Variants in LUC7L3 observed in about 807,000 individuals in gnomAD.
The protein encoded by LUC7L3 is luc7-like protein 3.
Under a neutral mutation model 66.8 loss-of-function variants are expected in LUC7L3, and 6 were observed. The observed-to-expected ratio is 0.09, with a 90% CI of 0.05 to 0.18. LUC7L3 has a LOEUF of 0.18. Ranked by LOEUF, LUC7L3 falls within the 10% of genes least tolerant of loss-of-function variation. The pLI, the probability that LUC7L3 is intolerant of heterozygous loss-of-function variation, is 1.00. For missense variants in LUC7L3, 341 were observed against 531.1 expected, an observed-to-expected ratio of 0.64 and a Z score of 3.52; for synonymous variants, 160 against 174.7, an observed-to-expected ratio of 0.92 and a Z score of 0.66.
At chr17:50,727,011 C>T (rs909249852) in intron 1 of LUC7L3, among the ~76,000 whole-genome samples, 1 of 152,056 alleles carries the variant, frequency 6.6e-6, no homozygotes, top group Non-Finnish European at 1.5e-5. Flanking sequence ...ATTTCTTGAA[C>T]CCGGGAGGCG....
intron 1 of LUC7L3, among the ~76,000 whole-genome samples, chr17:50,728,043 G>A (rs960078746): frequency 1.1e-4 from 16 of 151,706 alleles, no homozygotes; most frequent in Admixed American, 5.9e-4. Context: ...GCGTGAACCC[G>A]GGAGGCGGAG....
chr17:50,729,551 C>T (rs897997256), intron 1 of LUC7L3, among the ~76,000 whole-genome samples: 2 of 152,028 alleles, frequency 1.3e-5, no homozygotes, highest in African/African-American at 4.8e-5. Flanking sequence ...GGACAAGATC[C>T]CCTCCCATCA....
At chr17:50,733,152 A>C (rs1415317869) in intron 1 of LUC7L3, among the ~76,000 whole-genome samples, 1 of 152,226 alleles carries the variant, frequency 6.6e-6, no homozygotes, top group Non-Finnish European at 1.5e-5. Flanking sequence ...TAGATAGAAT[A>C]ATCTCCAAAA....
In LUC7L3 at chr17:50,751,682, T is replaced by C. The variant is rs1389938016; in HGVS notation, c.*1021T>C. 14 of 1,071,086 alleles carry C rather than the reference T, an allele frequency of 1.3e-5. No individual in the cohort carries two copies. Among genetic ancestry groups the C allele is most frequent in the Non-Finnish European group, 1.6e-5 (14 of 879,190 alleles). The allele number at this position is 1,071,086 out of a possible 1,614,324, so 66.3% of individuals were successfully genotyped here. A position where few individuals can be genotyped will look rare whatever the true frequency, so the allele number is the denominator to read the frequency against. On this transcript the variant is annotated 3_prime_UTR_variant, in exon 10 of 10. Coordinates refer to ENST00000505658, the MANE Select transcript of LUC7L3 (RefSeq NM_016424.5). ...GAGGTATGTGCTTAATATTTCCTAC[T>C]GTGTAGGAGAATTTGCAGTCAGCCA...
rs1970120811 is a variant in LUC7L3, at chr17:50,738,335, A to G, written c.166+1309A>G. ...CAGATTTTGGAAGTGTCTTTTTAAA[A>G]AATTAGTTGCTTGCCAAGGACCACC... On this transcript the variant is annotated intron_variant, in intron 2 of 9. Coordinates refer to ENST00000505658, the MANE Select transcript of LUC7L3 (RefSeq NM_016424.5). 1.9e-5 allele frequency: 4 copies of G among 214,556 alleles called. No homozygotes were observed. In the Admixed American group the frequency reaches 2.2e-4, roughly 12 times the overall value. The allele number at this position is 214,556 out of a possible 1,614,324, so 13.3% of individuals were successfully genotyped here.
Position 50,719,663 on chromosome 17 carries a change from C to A in LUC7L3, c.-70C>A. 3 of 1,320,122 alleles carry A rather than the reference C, an allele frequency of 2.3e-6. No individual in the cohort carries two copies. Among genetic ancestry groups the A allele is most frequent in the South Asian group, 1.2e-5 (1 of 80,328 alleles). 81.8% of individuals were successfully genotyped at this position (1,320,122 alleles called of 1,614,324 possible). A position where few individuals can be genotyped will look rare whatever the true frequency, so the allele number is the denominator to read the frequency against. ...CCTGAGAGCGGGCCGAGGAGATTGG[C>A]GACGGTGTCGCCCGTGTTTTCGTTG... On this transcript the variant is annotated 5_prime_UTR_variant, in exon 1 of 10. Transcript: ENST00000505658.
intron 1 of LUC7L3, among the ~76,000 whole-genome samples, chr17:50,734,355 C>T (rs1370317886): frequency 6.6e-6 from 1 of 152,156 alleles, no homozygotes; most frequent in Non-Finnish European, 1.5e-5. Context: ...TTAGTAGAGA[C>T]GGGGTTTCTC....
At chr17:50,739,615 C>T (rs915039642) in intron 2 of LUC7L3, among the ~76,000 whole-genome samples, 2 of 151,910 alleles carry the variant, frequency 1.3e-5, no homozygotes, top group East Asian at 3.9e-4. Context: ...AATTGCGCCG[C>T]TGCACTCCGG....
chr17:50,727,898 A>G (rs1312376666), intron 1 of LUC7L3, among the ~76,000 whole-genome samples: 4 of 151,552 alleles, frequency 2.6e-5, no homozygotes, highest in East Asian at 3.9e-4. Context: ...AGGTCAGGAG[A>G]TCGAGACCAT....
chr17:50,748,898 A>AG (rs960282123), intron 9 of LUC7L3, among the ~76,000 whole-genome samples: 3 of 152,156 alleles, frequency 2.0e-5, no homozygotes, highest in African/African-American at 2.4e-5. Context: ...TAAAAAAAAA[A>AG]ATACAGAAAA....
intron 2 of LUC7L3, among the ~76,000 whole-genome samples, chr17:50,739,330 AT>A (rs1970196921): frequency 6.6e-6 from 1 of 152,216 alleles, no homozygotes; most frequent in African/African-American, 2.4e-5. Flanking sequence ...GATAGTTTCT[AT>A]AGCTGAGTTT....
intron 1 of LUC7L3, among the ~76,000 whole-genome samples, chr17:50,735,366 TGAG>T (rs1216973596): frequency 1.3e-5 from 2 of 152,094 alleles, no homozygotes; most frequent in African/African-American, 4.8e-5. Context: ...GTAAAGCCGT[TGAG>T]GAAAAAAAAG....
chr17:50,728,684 G>A (rs1405411143), intron 1 of LUC7L3, among the ~76,000 whole-genome samples: 1 of 152,156 alleles, frequency 6.6e-6, no homozygotes, highest in African/African-American at 2.4e-5. Context: ...CTCCCGAGTA[G>A]CTGGAACTAC....
chr17:50,740,976 T>C lies in LUC7L3; in HGVS notation c.207-126T>C, dbSNP rs79793636. The C allele has an allele frequency of 1.0e-3, 946 of 912,218 alleles. 12 individuals carry two copies. In the African/African-American group the frequency reaches 0.015, roughly 14 times the overall value. The allele number at this position is 912,218 out of a possible 1,614,324, so 56.5% of individuals were successfully genotyped here. A position where few individuals can be genotyped will look rare whatever the true frequency, so the allele number is the denominator to read the frequency against. On this transcript the variant is annotated intron_variant, in intron 3 of 9. Coordinates refer to ENST00000505658, the MANE Select transcript of LUC7L3 (RefSeq NM_016424.5). The stretch of plus-strand genomic sequence containing the variant: ...TGATGAGGGGCAATCAGAAAGTCAC[T>C]TCAAATACACCTGGTTTACCCTGCA...
At chr17:50,740,237 CTT>C (rs3214295) in intron 2 of LUC7L3, 67 bp from the exon 3 acceptor site, 39 of 1,135,096 alleles carry the variant, frequency 3.4e-5, no homozygotes, top group African/African-American at 6.5e-5. Context: ...AAAAATAACT[CTT>C]TTTTTTTGGC....
At chr17:50,745,458 G>A (rs186351329) in intron 7 of LUC7L3, among the ~76,000 whole-genome samples, 1 of 152,272 alleles carries the variant, frequency 6.6e-6, no homozygotes, top group East Asian at 1.9e-4. Context: ...AGCATTGTGA[G>A]TTCTGTGAAA....
At chr17:50,723,953 C>T (rs12449971) in intron 1 of LUC7L3, 135,612 of 446,294 alleles carry the variant, frequency 0.3, 20,715 homozygotes, top group East Asian at 0.39. Context: ...CTACCTTACT[C>T]CATAGTAAAA....
chr17:50,740,290 A>C lies in LUC7L3; in HGVS notation c.167-16A>C. 6.3e-7 allele frequency: 1 copy of C among 1,579,410 alleles called. No homozygotes were observed. Among genetic ancestry groups the C allele is most frequent in the Non-Finnish European group, 8.6e-7 (1 of 1,158,502 alleles). ...ATAATCACAGATAATTTATACAATT[A>C]TATTTTTTCCCCCAGGTCCGTGTGA... On this transcript the variant is annotated splice_polypyrimidine_tract_variant and intron_variant, in intron 2 of 9. Transcript: ENST00000505658.
At position 50,751,433 on chromosome 17, in the gene LUC7L3, T is replaced by C. The variant is rs1310902534; in HGVS notation, c.*772T>C. ...ATGCTATTGCCTGTGATCTTTACGC[T>C]TAACTGTTGTGTATCTTTTTTGTTC... is the stretch of plus-strand genomic sequence containing the variant. On this transcript the variant is annotated 3_prime_UTR_variant, in exon 10 of 10. Coordinates refer to ENST00000505658, the MANE Select transcript of LUC7L3 (RefSeq NM_016424.5). The C allele has an allele frequency of 1.6e-6, 2 of 1,279,900 alleles. No homozygotes were observed. Among genetic ancestry groups the C allele is most frequent in the African/African-American group, 3.0e-5 (2 of 65,602 alleles). 79.3% of individuals were successfully genotyped at this position (1,279,900 alleles called of 1,614,324 possible).
Sources: gnomAD v4.1 joint callset for allele counts (sites outside exome capture counted in the v4.1 genomes callset) on GRCh38, gnomAD v4.1.1 for gene constraint, MANE v1.5 for transcripts, NCBI Gene and HGNC (gene_info 2026-07-23, HGNC 2026-07-21) for gene names.